TENM4: variants seen among roughly 807,000 people sequenced by gnomAD.
TENM4 encodes teneurin transmembrane protein 4.
A neutral mutation model predicts 243.3 loss-of-function variants in TENM4; 82 were observed. The ratio of observed to expected loss-of-function variants is 0.34; its 90% CI spans 0.28 to 0.40. The LOEUF (loss-of-function observed/expected upper bound fraction) is 0.40, where lower values mean the gene tolerates loss of function less well. Among genes scored for constraint, TENM4 ranks in the 10% least tolerant of loss-of-function variants. The probability of loss-of-function intolerance (pLI) is 1.00; values close to 1 mark genes in which losing one functional copy is unlikely to be tolerated. For synonymous variants in TENM4, 1,412 were observed against 1,456.3 expected (o/e 0.97, Z 0.69); for missense variants, 3,138 against 3,673.3 (o/e 0.85, Z 3.77).
chr11:79,020,255 C>G (rs754666505), intron 6 of TENM4, among the ~76,000 whole-genome samples: 1 of 152,076 alleles, frequency 6.6e-6, no homozygotes, highest in Non-Finnish European at 1.5e-5. Flanking sequence ...TCAATTAACA[C>G]TACTGCAAGA....
chr11:79,006,486 A>C (rs2136728393), intron 6 of TENM4, among the ~76,000 whole-genome samples: 1 of 152,356 alleles, frequency 6.6e-6, no homozygotes, highest in African/African-American at 2.4e-5. Flanking sequence ...GTCAGGTATC[A>C]CACAAGGCAT....
intron 9 of TENM4, among the ~76,000 whole-genome samples, chr11:78,865,472 T>G (rs1218630142): frequency 2.0e-5 from 3 of 152,170 alleles, no homozygotes; most frequent in Non-Finnish European, 4.4e-5. Context: ...CTTTTGTACA[T>G]CAAACAGCCT....
intron 1 of TENM4, among the ~76,000 whole-genome samples, chr11:79,382,792 CCT>C (rs1049082327): frequency 1.1e-4 from 16 of 152,210 alleles, no homozygotes; most frequent in African/African-American, 3.1e-4. Flanking sequence ...TGAAACCACT[CCT>C]CTCTATGGGG....
At chr11:78,762,464 A>C (rs1856451964) in intron 18 of TENM4, among the ~76,000 whole-genome samples, 1 of 152,302 alleles carries the variant, frequency 6.6e-6, no homozygotes, top group Non-Finnish European at 1.5e-5. Context: ...GGATTTGCAG[A>C]TTGGGGTCCT....
At chr11:79,387,308 G>T (rs1858136760) in intron 1 of TENM4, among the ~76,000 whole-genome samples, 1 of 152,164 alleles carries the variant, frequency 6.6e-6, no homozygotes, top group Non-Finnish European at 1.5e-5. Context: ...TCTATTTAAA[G>T]TTCTGGTTAC....
intron 3 of TENM4, among the ~76,000 whole-genome samples, chr11:79,167,326 C>G (rs1402431992): frequency 6.6e-6 from 1 of 152,112 alleles, no homozygotes; most frequent in Non-Finnish European, 1.5e-5. Context: ...CCAGTGGGGA[C>G]CTGTTGAAGG....
At chr11:78,939,100 G>A (rs1856840264) in intron 6 of TENM4, among the ~76,000 whole-genome samples, 1 of 152,108 alleles carries the variant, frequency 6.6e-6, no homozygotes, top group Non-Finnish European at 1.5e-5. Context: ...AGCAGATAAG[G>A]GTAATGGAAA....
At chr11:79,285,773 C>T (rs1264939061) in intron 2 of TENM4, among the ~76,000 whole-genome samples, 1 of 150,972 alleles carries the variant, frequency 6.6e-6, no homozygotes, top group Non-Finnish European at 1.5e-5. Context: ...AAAACAGACA[C>T]AAAGGCAACA....
chr11:78,895,731 C>G (rs1417663906), intron 7 of TENM4, among the ~76,000 whole-genome samples: 1 of 152,180 alleles, frequency 6.6e-6, no homozygotes, highest in Non-Finnish European at 1.5e-5. Context: ...GACCCTCACA[C>G]TGGTGGGTGC....
chr11:78,849,298 G>C (rs1176084430), intron 12 of TENM4, among the ~76,000 whole-genome samples: 2 of 152,322 alleles, frequency 1.3e-5, no homozygotes, highest in East Asian at 1.9e-4. Context: ...AACTTCTTGG[G>C]TTGATGTAAT....
At chr11:79,399,559 A>T (rs1465582332) in intron 1 of TENM4, among the ~76,000 whole-genome samples, 1 of 152,224 alleles carries the variant, frequency 6.6e-6, no homozygotes, top group Admixed American at 6.5e-5. Flanking sequence ...ATGCTACTCA[A>T]AGCAAGGCTC....
chr11:78,881,153 G>T (rs1403703659), intron 9 of TENM4, among the ~76,000 whole-genome samples: 1 of 152,220 alleles, frequency 6.6e-6, no homozygotes, highest in Non-Finnish European at 1.5e-5. Context: ...CAGTGGCTGG[G>T]GTTTCAATCC....
chr11:78,988,815 C>G (rs1402438553), intron 6 of TENM4, among the ~76,000 whole-genome samples: 14 of 152,224 alleles, frequency 9.2e-5, no homozygotes, highest in African/African-American at 2.9e-4. Flanking sequence ...GCTGGGACTA[C>G]AGGCATGTGC....
intron 3 of TENM4, among the ~76,000 whole-genome samples, chr11:79,162,708 C>G (rs1862777932): frequency 6.6e-6 from 1 of 152,154 alleles, no homozygotes; most frequent in Non-Finnish European, 1.5e-5. Context: ...GCCCAGTCAC[C>G]CATCTGGTCT....
At chr11:78,711,028 G>A (rs1057124949) in intron 26 of TENM4, among the ~76,000 whole-genome samples, 3 of 152,150 alleles carry the variant, frequency 2.0e-5, no homozygotes, top group Non-Finnish European at 4.4e-5. Context: ...GGGAAACTGA[G>A]GCCCAGAGGA....
At chr11:78,972,147 A>G (rs570938376) in intron 6 of TENM4, among the ~76,000 whole-genome samples, 1 of 152,310 alleles carries the variant, frequency 6.6e-6, no homozygotes, top group South Asian at 2.1e-4. Context: ...TGTTATTTTT[A>G]ACAGAATTAG....
At chr11:79,248,026 G>A (rs936823863) in intron 2 of TENM4, among the ~76,000 whole-genome samples, 5 of 152,142 alleles carry the variant, frequency 3.3e-5, no homozygotes, top group African/African-American at 1.2e-4. Flanking sequence ...TTATAAACAC[G>A]CAGGGCTGGC....
intron 2 of TENM4, among the ~76,000 whole-genome samples, chr11:79,278,817 C>A (rs570017480): frequency 6.6e-6 from 1 of 152,196 alleles, no homozygotes; most frequent in African/African-American, 2.4e-5. Context: ...GACAGACAAG[C>A]GCAATGACAC....
rs117386899 is a variant in TENM4 at position 79,353,264 on chromosome 11, G to A, written c.-320-55721C>T. ...TGACCTTATGTCTTAGTTGAATTGA[G>A]ATTGTTTTCTTTGGGGGGTTTTCCT... On this transcript the variant is annotated intron_variant, in intron 1 of 33. Coordinates refer to ENST00000278550, the MANE Select transcript of TENM4 (RefSeq NM_001098816.3). Among the ~76,000 whole-genome samples, 352 of 152,258 alleles carry A rather than the reference G, an allele frequency of 2.3e-3. 14 individuals are homozygous for A. The East Asian group carries it at 0.063, about 27-fold the overall frequency.
Sources: allele counts gnomAD v4.1 joint callset (sites outside exome capture counted in the v4.1 genomes callset), GRCh38; gene constraint gnomAD v4.1.1; transcripts MANE v1.5; gene names NCBI Gene and HGNC (gene_info 2026-07-23, HGNC 2026-07-21).